Variants in GPC6 observed in about 807,000 individuals in gnomAD.
The protein encoded by GPC6 is glypican-6.
In GPC6, 14 loss-of-function variants were observed where a neutral mutation model predicts 55.2. That is an observed-to-expected ratio of 0.25 (90% CI 0.17 to 0.40). The LOEUF (loss-of-function observed/expected upper bound fraction) is 0.40. Among genes scored for constraint, GPC6 ranks in the 10% least tolerant of loss-of-function variants. GPC6 has a pLI of 1.00. For synonymous variants in GPC6, 278 were observed against 259.6 expected (o/e 1.07, Z -0.68); for missense variants, 641 against 708.5 (o/e 0.90, Z 1.08).
chr13:93,735,155 A>G (rs1883953229), intron 2 of GPC6, among the ~76,000 whole-genome samples: 1 of 152,200 alleles, frequency 6.6e-6, no homozygotes, highest in African/African-American at 2.4e-5. Context: ...AAAAACAAGG[A>G]GCCTATAATA....
chr13:93,290,482 A>C (rs1230587035), intron 1 of GPC6, among the ~76,000 whole-genome samples: 1 of 152,108 alleles, frequency 6.6e-6, no homozygotes, highest in Non-Finnish European at 1.5e-5. Context: ...TAATCAAACA[A>C]TTTGGTTGAA....
intron 1 of GPC6, among the ~76,000 whole-genome samples, chr13:93,356,035 G>C (rs1233886807): frequency 1.3e-5 from 2 of 152,116 alleles, no homozygotes; most frequent in African/African-American, 4.8e-5. Context: ...CTGGTTTAAA[G>C]GGGAGGAGGA....
intron 4 of GPC6, among the ~76,000 whole-genome samples, chr13:94,063,571 T>C (rs569587503): frequency 6.6e-6 from 1 of 152,284 alleles, no homozygotes; most frequent in South Asian, 2.1e-4. Context: ...CTACATTGAG[T>C]TTTCTCACAG....
At chr13:93,848,699 C>A (rs1418765401) in intron 3 of GPC6, among the ~76,000 whole-genome samples, 1 of 152,076 alleles carries the variant, frequency 6.6e-6, no homozygotes, top group Non-Finnish European at 1.5e-5. Flanking sequence ...CGCAGCCTTG[C>A]CTTTAAGTCT....
chr13:94,271,409 C>T (rs1318678025), intron 4 of GPC6, among the ~76,000 whole-genome samples: 2 of 151,268 alleles, frequency 1.3e-5, no homozygotes, highest in Non-Finnish European at 3.0e-5. Flanking sequence ...CACACACACA[C>T]TCCATCATGC....
chr13:93,355,952 C>G (rs1325533932), intron 1 of GPC6, among the ~76,000 whole-genome samples: 1 of 152,052 alleles, frequency 6.6e-6, no homozygotes, highest in Non-Finnish European at 1.5e-5. Context: ...GATGGAGGCT[C>G]TGTGATATTG....
chr13:93,605,288 G>A (rs528668905), intron 2 of GPC6, among the ~76,000 whole-genome samples: 24 of 152,274 alleles, frequency 1.6e-4, no homozygotes, highest in African/African-American at 5.8e-4. Flanking sequence ...ATTTAGAGTA[G>A]ATAAGTAAGT....
intron 2 of GPC6, among the ~76,000 whole-genome samples, chr13:93,753,533 A>G (rs550716987): frequency 7.2e-5 from 11 of 152,294 alleles, no homozygotes; most frequent in African/African-American, 2.4e-4. Context: ...TAATAAGCAC[A>G]TCATGAAGAA....
chr13:93,496,281 G>C (rs964738667), intron 1 of GPC6, among the ~76,000 whole-genome samples: 13 of 152,168 alleles, frequency 8.5e-5, no homozygotes, highest in Non-Finnish European at 1.6e-4. Context: ...GGAGTGACCC[G>C]ATTTTTCAGG....
intron 2 of GPC6, among the ~76,000 whole-genome samples, chr13:93,681,836 G>GTC (rs1881856504): frequency 6.6e-6 from 1 of 152,070 alleles, no homozygotes; most frequent in Non-Finnish European, 1.5e-5. Flanking sequence ...CTGCTAACTA[G>GTC]ATTATTTTAT....
At chr13:93,719,337 T>C (rs567131373) in intron 2 of GPC6, among the ~76,000 whole-genome samples, 1 of 152,204 alleles carries the variant, frequency 6.6e-6, no homozygotes, top group African/African-American at 2.4e-5. Flanking sequence ...TTTATTCTCT[T>C]TGTAGCAATT....
At position 93,501,451 on chromosome 13, in the gene GPC6, A is replaced by T. The variant is rs139378709; in HGVS notation, c.161-43812A>T. On this transcript the variant is annotated intron_variant, in intron 1 of 8. Coordinates refer to ENST00000377047, the MANE Select transcript of GPC6 (RefSeq NM_005708.5). ...TCTAGAACAGAAATTACTTTGCAAA[A>T]TTTTCTATGAAATCTTCCCTAAATT... Among the ~76,000 whole-genome samples the T allele has an allele frequency of 5.2e-3, 791 of 152,172 alleles. 6 individuals are homozygous for T. Among genetic ancestry groups the T allele is most frequent in the African/African-American group, 0.018 (751 of 41,534 alleles).
rs1187495814 is a variant in GPC6 at position 93,742,142 on chromosome 13, G to A, written c.320-88012G>A. Reference sequence around the variant, plus strand: ...TATTTGACATAAATAAATACTTTGTGGTGTCTATATTTTTATTCGTGGAGA... The same window carrying A: ...TATTTGACATAAATAAATACTTTGTAGTGTCTATATTTTTATTCGTGGAGA... On this transcript the variant is annotated intron_variant, in intron 2 of 8. Coordinates refer to ENST00000377047, the MANE Select transcript of GPC6 (RefSeq NM_005708.5). 2.6e-5 allele frequency among the ~76,000 whole-genome samples: 4 copies of A among 152,100 alleles called. No homozygotes were observed. In the South Asian group the frequency reaches 8.3e-4, roughly 32 times the overall value.
At chr13:93,853,105 A>G (rs1888466400) in intron 3 of GPC6, among the ~76,000 whole-genome samples, 1 of 151,730 alleles carries the variant, frequency 6.6e-6, no homozygotes, top group Admixed American at 6.6e-5. Flanking sequence ...CATTGTCACT[A>G]ATAATGAAAA....
chr13:93,352,528 C>T (rs534617815), intron 1 of GPC6, among the ~76,000 whole-genome samples: 1 of 152,150 alleles, frequency 6.6e-6, no homozygotes, highest in East Asian at 1.9e-4. Flanking sequence ...ATTTGAAGTG[C>T]TTGAGCAGAT....
chr13:94,027,160 T>G (rs1882932191), intron 3 of GPC6, among the ~76,000 whole-genome samples: 1 of 152,132 alleles, frequency 6.6e-6, no homozygotes, highest in African/African-American at 2.4e-5. Flanking sequence ...CTTCTCACAT[T>G]TAACACTGGT....
intron 3 of GPC6, among the ~76,000 whole-genome samples, chr13:93,948,785 G>A (rs1387059310): frequency 1.3e-5 from 2 of 152,106 alleles, no homozygotes; most frequent in Non-Finnish European, 2.9e-5. Context: ...TGTTTTTGTG[G>A]CATCTAAGCA....
chr13:94,023,353 AT>A (rs1882774008), intron 3 of GPC6, among the ~76,000 whole-genome samples: 2 of 151,546 alleles, frequency 1.3e-5, no homozygotes, highest in Admixed American at 1.3e-4. Context: ...TTGGTGGATC[AT>A]TTTGGATCAT....
chr13:94,269,410 G>A (rs1181318550), intron 4 of GPC6, among the ~76,000 whole-genome samples: 1 of 152,156 alleles, frequency 6.6e-6, no homozygotes, highest in Admixed American at 6.5e-5. Context: ...ATTCGTTCTT[G>A]AAAGCCTACC....
Sources: allele counts gnomAD v4.1 joint callset (sites outside exome capture counted in the v4.1 genomes callset), GRCh38; gene constraint gnomAD v4.1.1; transcripts MANE v1.5; gene names NCBI Gene and HGNC (gene_info 2026-07-23, HGNC 2026-07-21).